TCF3: variants seen among roughly 807,000 people sequenced by gnomAD.
The protein encoded by TCF3 is transcription factor E2-alpha.
Under a neutral mutation model 72.3 loss-of-function variants are expected in TCF3, and 54 were observed. The ratio of observed to expected loss-of-function variants is 0.75; its 90% CI spans 0.60 to 0.94. TCF3 has a LOEUF of 0.94. Ranked by LOEUF, TCF3 falls within the 40% of genes least tolerant of loss-of-function variation. The pLI is 0.00. For synonymous variants in TCF3, 525 were observed against 412.6 expected (o/e 1.27, Z -3.30); for missense variants, 1,078 against 934.4 (o/e 1.15, Z -2.00).
chr19:1,612,162 G>A (rs774837130), intron 18 of TCF3: 6 of 1,522,796 alleles, frequency 3.9e-6, no homozygotes, highest in Non-Finnish European at 5.3e-6. Context: ...ACCTGGGTGT[G>A]GGGAAGGGAG....
At chr19:1,638,895 G>A (rs769207732) in intron 3 of TCF3, among the ~76,000 whole-genome samples, 2 of 152,214 alleles carry the variant, frequency 1.3e-5, no homozygotes, top group Non-Finnish European at 2.9e-5. Flanking sequence ...ATGGACGGGT[G>A]CTTAACGTCT....
Position 1,620,950 on chromosome 19 carries a change from C to T in TCF3, c.1093+18G>A, listed in dbSNP as rs574100953. ...CTCACAGACCTCAGCCTCCCCTCCC[C>T]CCAAAACCCTCACAGACCTGCCAGG... On this transcript the variant is annotated intron_variant, in intron 13 of 18. Coordinates refer to ENST00000262965, the MANE Select transcript of TCF3 (RefSeq NM_003200.5). 543 of 1,481,302 alleles carry T rather than the reference C, an allele frequency of 3.7e-4. 9 individuals carry two copies. The South Asian group carries it at 6.9e-3, about 19-fold the overall frequency. 91.8% of individuals were successfully genotyped at this position (1,481,302 alleles called of 1,614,324 possible).
At chr19:1,648,914 G>C (rs2145732348) in intron 2 of TCF3, among the ~76,000 whole-genome samples, 1 of 151,782 alleles carries the variant, frequency 6.6e-6, no homozygotes, top group East Asian at 1.9e-4. Context: ...ATAACACATG[G>C]CCCCACTGTA....
At chr19:1,623,346 G>A (rs1212850867) in intron 8 of TCF3, among the ~76,000 whole-genome samples, 1 of 151,854 alleles carries the variant, frequency 6.6e-6, no homozygotes, top group Non-Finnish European at 1.5e-5. Flanking sequence ...GAAGCTGTGA[G>A]GATGTAACAG....
chr19:1,622,165 C>T lies in TCF3; in HGVS notation c.711G>A (p.Gly237=), dbSNP rs754826829. The T allele has an allele frequency of 2.0e-5, 31 of 1,573,664 alleles. No individual in the cohort carries two copies. Among genetic ancestry groups the T allele is most frequent in the Non-Finnish European group, 4.3e-6 (5 of 1,162,232 alleles). The part of the protein sequence containing the change: ...LWSPPGQAGF[G]PMLGGGSSPL... ...GGGATGAGCCCCCACCCAGCATGGG[C>T]CCGAAGCCCGCCTGGCCCGGGGGAC... Residue 237 remains glycine (G), a synonymous_variant, in exon 10 of 19, where the codon GGG becomes GGA. Coordinates refer to ENST00000262965, the MANE Select transcript of TCF3 (RefSeq NM_003200.5).
chr19:1,636,864 G>A (rs923548727), intron 3 of TCF3, among the ~76,000 whole-genome samples: 1 of 152,194 alleles, frequency 6.6e-6, no homozygotes, highest in African/African-American at 2.4e-5. Context: ...TGGCGATGGG[G>A]GGTGGGACAG....
intron 3 of TCF3, among the ~76,000 whole-genome samples, chr19:1,640,915 G>T (rs1307325760): frequency 1.3e-5 from 2 of 152,170 alleles, no homozygotes; most frequent in Non-Finnish European, 2.9e-5. Context: ...TTGGGAGGCC[G>T]AGGTGGGTGG....
At position 1,641,342 on chromosome 19, in the gene TCF3, C is replaced by CCA. The variant is rs1471740649; in HGVS notation, c.145+5012_145+5013insTG. ...ACTCAAAGTGAAAAATTGGGCTGGG[C>CCA]ACAGTGGCTCACACATGTAATCACA... On this transcript the variant is annotated intron_variant, in intron 3 of 18. Coordinates refer to ENST00000262965, the MANE Select transcript of TCF3 (RefSeq NM_003200.5). Among the ~76,000 whole-genome samples the CCA allele has an allele frequency of 2.0e-5, 3 of 152,028 alleles. No individual in the cohort carries two copies. The East Asian group carries it at 5.8e-4, about 29-fold the overall frequency.
chr19:1,635,435 G>A (rs1037577272), intron 3 of TCF3, among the ~76,000 whole-genome samples: 8 of 151,986 alleles, frequency 5.3e-5, no homozygotes, highest in Admixed American at 3.9e-4. Flanking sequence ...CCGTCCTCAG[G>A]ATAAAGACCA....
intron 2 of TCF3, among the ~76,000 whole-genome samples, chr19:1,646,651 T>G (rs557891241): frequency 2.0e-5 from 3 of 151,946 alleles, no homozygotes; most frequent in African/African-American, 7.2e-5. Flanking sequence ...ACGCCCAGAG[T>G]GAGAAAACTC....
chr19:1,616,877 G>C (rs964415584), intron 16 of TCF3, among the ~76,000 whole-genome samples: 1 of 152,180 alleles, frequency 6.6e-6, no homozygotes, highest in Non-Finnish European at 1.5e-5. Context: ...ATTTGCCAAA[G>C]AATAGAAGAC....
Position 1,625,660 on chromosome 19 carries a change from A to G in TCF3, c.415T>C (p.Ser139Pro), listed in dbSNP as rs1599681865. Residue 139 changes from serine (S) to proline (P), a missense_variant, in exon 7 of 19, where the codon TCC becomes CCC. Coordinates refer to ENST00000262965, the MANE Select transcript of TCF3 (RefSeq NM_003200.5). ...ELALNSPGPL[S>P]PSGMKGTSQY... is the part of the protein sequence containing the mutation. ...GAGGTCCCCTTCATGCCCGAAGGGG[A>G]CAGGGGCCCGGGGCTGTTGAGGGCC... The G allele has an allele frequency of 1.3e-6, 2 of 1,536,784 alleles. No individual in the cohort carries two copies. The highest frequency in any genetic ancestry group is 1.7e-6 in the Non-Finnish European group (2 of 1,148,214).
intron 2 of TCF3, among the ~76,000 whole-genome samples, chr19:1,647,264 GAAA>G (rs1181156435): frequency 1.3e-5 from 2 of 152,110 alleles, no homozygotes; most frequent in East Asian, 3.9e-4. Flanking sequence ...TTTTGCCACA[GAAA>G]AAAACACAAC....
chr19:1,638,253 T>C (rs1188934590), intron 3 of TCF3, among the ~76,000 whole-genome samples: 2 of 152,256 alleles, frequency 1.3e-5, no homozygotes, highest in Non-Finnish European at 2.9e-5. Flanking sequence ...ACGCAAAAGA[T>C]AGATGCCATT....
intron 7 of TCF3, 108 bp downstream of exon 7, chr19:1,625,468 G>A (rs2062770627): frequency 1.5e-6 from 2 of 1,310,738 alleles, no homozygotes; most frequent in African/African-American, 1.6e-5. Flanking sequence ...GGACCTGGAA[G>A]GTGCGGGGTC....
chr19:1,611,587 C>T lies in TCF3; in HGVS notation c.*120G>A. The stretch of plus-strand genomic sequence containing the variant: ...GAACCTTGTCAGGTTGGTGTTGGCT[C>T]GATGCTGACAACAGGTGTGTGAGGT... On this transcript the variant is annotated 3_prime_UTR_variant, in exon 19 of 19. Coordinates refer to ENST00000262965, the MANE Select transcript of TCF3 (RefSeq NM_003200.5). The T allele has an allele frequency of 1.4e-5, 19 of 1,383,340 alleles. No individual in the cohort carries two copies. The highest frequency in any genetic ancestry group is 1.0e-4 in the South Asian group (7 of 69,108). 85.7% of individuals were successfully genotyped at this position (1,383,340 alleles called of 1,614,324 possible).
chr19:1,625,431 A>C, intron 7 of TCF3, 145 bp downstream of exon 7: 1 of 1,112,112 alleles, frequency 9.0e-7, no homozygotes, highest in Non-Finnish European at 1.2e-6. Context: ...CATCCCTCCC[A>C]CGGCCCGAGC....
chr19:1,641,645 G>A (rs1166611309), intron 3 of TCF3, among the ~76,000 whole-genome samples: 1 of 152,130 alleles, frequency 6.6e-6, no homozygotes, highest in Non-Finnish European at 1.5e-5. Context: ...CAGAGACGGG[G>A]TTTCGCCACG....
At chr19:1,612,011 G>T (rs2061044925) in intron 18 of TCF3, among the ~76,000 whole-genome samples, 162 bp from the exon 19 acceptor site, 1 of 151,908 alleles carries the variant, frequency 6.6e-6, no homozygotes, top group Admixed American at 6.6e-5. Flanking sequence ...GAGAAGGCTG[G>T]GGGGATGGGG....
Sources: gnomAD v4.1 joint callset for allele counts (sites outside exome capture counted in the v4.1 genomes callset) on GRCh38, gnomAD v4.1.1 for gene constraint, MANE v1.5 for transcripts, NCBI Gene and HGNC (gene_info 2026-07-23, HGNC 2026-07-21) for gene names.